Variants in CSMD2 observed in about 807,000 individuals in gnomAD.
CSMD2 encodes CUB and sushi domain-containing protein 2.
CSMD2 carries 130 observed loss-of-function variants against 398.5 expected under a neutral mutation model. That is an observed-to-expected ratio of 0.33 (90% CI 0.28 to 0.38). The LOEUF (loss-of-function observed/expected upper bound fraction) is 0.38, where lower values mean the gene tolerates loss of function less well. Ranked by LOEUF, CSMD2 falls within the 10% of genes least tolerant of loss-of-function variation. CSMD2 has a pLI of 1.00. For synonymous variants in CSMD2, 1,828 were observed against 1,908.5 expected, an observed-to-expected ratio of 0.96 and a Z score of 1.10; for missense variants, 3,829 against 4,764.9, an observed-to-expected ratio of 0.80 and a Z score of 5.78.
rs116469414 is a variant in CSMD2 at position 33,940,978 on chromosome 1, G to A, written c.518-5024C>T. On this transcript the variant is annotated intron_variant, in intron 3 of 70. Transcript: ENST00000373381. ...CAAAGCGAATCCTTTCTAAGGCACC[G>A]TGTTCTTTGATTTTTTTTTTTAGAA... 1.1e-3 allele frequency among the ~76,000 whole-genome samples: 174 copies of A among 152,168 alleles called. 1 individual carries two copies. Among genetic ancestry groups the A allele is most frequent in the African/African-American group, 4.0e-3 (168 of 41,514 alleles).
chr1:33,634,372 C>T (rs1392022723), intron 31 of CSMD2, among the ~76,000 whole-genome samples: 4 of 152,234 alleles, frequency 2.6e-5, no homozygotes, highest in African/African-American at 9.6e-5. Flanking sequence ...TCTGTGCTTG[C>T]CCATCCTGTC....
At chr1:34,057,938 G>A (rs1315146269) in intron 2 of CSMD2, among the ~76,000 whole-genome samples, 1 of 152,204 alleles carries the variant, frequency 6.6e-6, no homozygotes, top group Non-Finnish European at 1.5e-5. Context: ...GGTGAGGCAC[G>A]CTCTGGGCTG....
chr1:34,060,441 G>A (rs1387386491), intron 2 of CSMD2, among the ~76,000 whole-genome samples: 1 of 152,188 alleles, frequency 6.6e-6, no homozygotes, highest in Non-Finnish European at 1.5e-5. Flanking sequence ...CAAAGGATGG[G>A]AAGGAGAAAG....
intron 1 of CSMD2, among the ~76,000 whole-genome samples, chr1:34,093,843 T>G (rs1259366563): frequency 1.3e-5 from 2 of 152,264 alleles, no homozygotes; most frequent in African/African-American, 4.8e-5. Context: ...TGCAGGATAT[T>G]ATCCCGGAGA....
At chr1:33,905,355 G>A (rs1168835148) in intron 5 of CSMD2, among the ~76,000 whole-genome samples, 1 of 152,188 alleles carries the variant, frequency 6.6e-6, no homozygotes, top group South Asian at 2.1e-4. Flanking sequence ...AATGGCCATA[G>A]GGTAACCAGC....
chr1:34,075,401 A>G (rs141632183), intron 2 of CSMD2, among the ~76,000 whole-genome samples: 1 of 152,258 alleles, frequency 6.6e-6, no homozygotes, highest in Non-Finnish European at 1.5e-5. Context: ...GCTGTGATAC[A>G]TATTCATAAG....
intron 4 of CSMD2, among the ~76,000 whole-genome samples, chr1:33,935,463 AATG>A (rs1644448719): frequency 6.6e-6 from 1 of 152,170 alleles, no homozygotes; most frequent in South Asian, 2.1e-4. Context: ...TAGGAAGAGA[AATG>A]ATGTTTCTTC....
At chr1:33,882,217 G>A (rs1250454382) in intron 5 of CSMD2, 1 of 152,226 alleles carries the variant, frequency 6.6e-6, no homozygotes, top group African/African-American at 2.4e-5. Flanking sequence ...AGCTATGAAT[G>A]GAGAACTGGA....
rs2148564517 is a variant in CSMD2, at chr1:33,533,258, TGGA to T, written c.9992-32_9992-30del. 1.2e-6 allele frequency: 2 copies of T among 1,608,954 alleles called. No individual in the cohort carries two copies. Among genetic ancestry groups the T allele is most frequent in the Non-Finnish European group, 8.5e-7 (1 of 1,177,478 alleles). The stretch of plus-strand genomic sequence containing the variant: ...GATGAGAGGAAAGACCCTGTTGGAC[TGGA>T]GGAGATTAGGGGCTTCAGGGGCCCT... On this transcript the variant is annotated intron_variant, in intron 63 of 70. Coordinates refer to ENST00000373381, the MANE Select transcript of CSMD2 (RefSeq NM_001281956.2). This position sits in a 1 kb window ranked among gnomAD's most constrained non-coding sequence, Gnocchi z 4.2.
chr1:33,986,979 C>T (rs1482899887), intron 3 of CSMD2, among the ~76,000 whole-genome samples: 1 of 152,138 alleles, frequency 6.6e-6, no homozygotes, highest in African/African-American at 2.4e-5. Context: ...GGTCTGCTGG[C>T]TCCAGGTTGC....
intron 1 of CSMD2, among the ~76,000 whole-genome samples, chr1:34,095,131 A>G (rs1452285443): frequency 2.0e-4 from 23 of 113,336 alleles, no homozygotes; most frequent in Middle Eastern, 3.8e-3. Context: ...AACTACATGG[A>G]AACTGAACAA....
chr1:33,748,610 G>A (rs895874763), intron 13 of CSMD2, among the ~76,000 whole-genome samples: 28 of 152,170 alleles, frequency 1.8e-4, no homozygotes, highest in African/African-American at 6.5e-4. Flanking sequence ...AACAAAGAGA[G>A]TTTTCAGTAG....
Position 34,044,974 on chromosome 1 carries a change from T to C in CSMD2, c.405-12268A>G, listed in dbSNP as rs377408942. On this transcript the variant is annotated intron_variant, in intron 2 of 70. Coordinates refer to ENST00000373381, the MANE Select transcript of CSMD2 (RefSeq NM_001281956.2). ...AACCATTAAGCTAAAAACAGAACTA[T>C]CATTACAGGCATCATCTAGTAATTT... Among the ~76,000 whole-genome samples the C allele has an allele frequency of 7.2e-5, 11 of 151,920 alleles. No individual in the cohort carries two copies. In the East Asian group the frequency reaches 1.2e-3, roughly 16 times the overall value.
chr1:33,584,196 G>T (rs1638914318), intron 46 of CSMD2, among the ~76,000 whole-genome samples: 1 of 152,218 alleles, frequency 6.6e-6, no homozygotes, highest in African/African-American at 2.4e-5. Flanking sequence ...AACAAAGATT[G>T]TACTGTATAG....
intron 37 of CSMD2, among the ~76,000 whole-genome samples, chr1:33,621,616 T>C (rs778983079): frequency 6.6e-6 from 1 of 152,182 alleles, no homozygotes; most frequent in Non-Finnish European, 1.5e-5. Context: ...GCAGTCCCAG[T>C]ATGCAAGCAG....
chr1:34,086,935 G>C (rs1167489938), intron 2 of CSMD2, among the ~76,000 whole-genome samples: 1 of 151,880 alleles, frequency 6.6e-6, no homozygotes, highest in African/African-American at 2.4e-5. Flanking sequence ...CTCTGCTCTA[G>C]CCTCTAACCA....
chr1:34,098,595 A>T (rs1454864643), intron 1 of CSMD2, among the ~76,000 whole-genome samples: 1 of 152,064 alleles, frequency 6.6e-6, no homozygotes, highest in Non-Finnish European at 1.5e-5. Flanking sequence ...AACAGGTAGG[A>T]CATGAAATGG....
At chr1:34,014,931 A>T (rs372703652) in intron 3 of CSMD2, among the ~76,000 whole-genome samples, 3 of 152,234 alleles carry the variant, frequency 2.0e-5, no homozygotes, top group African/African-American at 7.2e-5. Context: ...GTGTGCCTCT[A>T]AGCAGGGTCT....
chr1:34,055,630 T>G (rs1653747425), intron 2 of CSMD2, among the ~76,000 whole-genome samples: 1 of 152,170 alleles, frequency 6.6e-6, no homozygotes, highest in Non-Finnish European at 1.5e-5. Flanking sequence ...GATGAAGAGA[T>G]GGAGAGGCCA....
Sources: allele counts gnomAD v4.1 joint callset (sites outside exome capture counted in the v4.1 genomes callset), GRCh38; gene constraint gnomAD v4.1.1; non-coding constraint Gnocchi (gnomAD v3.1); transcripts MANE v1.5; gene names NCBI Gene and HGNC (gene_info 2026-07-23, HGNC 2026-07-21).